The following TMEM117 variants were observed in gnomAD, a reference collection of about 807,000 sequenced individuals.
The protein encoded by TMEM117 is transmembrane protein 117.
A neutral mutation model predicts 52.4 loss-of-function variants in TMEM117; 27 were observed. That is an observed-to-expected ratio of 0.51 (90% CI 0.38 to 0.71). The LOEUF (loss-of-function observed/expected upper bound fraction) is 0.71, where lower values mean the gene tolerates loss of function less well. Among genes scored for constraint, TMEM117 ranks in the 30% least tolerant of loss-of-function variants. The pLI is 0.00. For synonymous variants in TMEM117, 215 were observed against 206.3 expected, an observed-to-expected ratio of 1.04 and a Z score of -0.36; for missense variants, 556 against 630.5, an observed-to-expected ratio of 0.88 and a Z score of 1.26.
At chr12:43,842,741 C>CAT (rs1296418334) in intron 1 of TMEM117, among the ~76,000 whole-genome samples, 2 of 151,162 alleles carry the variant, frequency 1.3e-5, no homozygotes, top group African/African-American at 2.5e-5. Flanking sequence ...CACACACACA[C>CAT]GTGCACGCAC....
intron 5 of TMEM117, among the ~76,000 whole-genome samples, chr12:44,285,309 G>A (rs1296082947): frequency 6.6e-6 from 1 of 152,098 alleles, no homozygotes; most frequent in East Asian, 1.9e-4. Flanking sequence ...TAAATAACAC[G>A]TAAATGTGTA....
In TMEM117 at chr12:43,844,775, G is replaced by A. The variant is rs1943171697; in HGVS notation, c.124G>A (p.Ala42Thr). Residue 42 changes from alanine (A) to threonine (T), a missense_variant, in exon 2 of 8, where the codon GCC becomes ACC. Around this residue, in one of 3 missense-constraint regions of TMEM117, gnomAD observed 328 missense variants for 371.4 expected, o/e 0.88. Coordinates refer to ENST00000266534, the MANE Select transcript of TMEM117 (RefSeq NM_032256.3). ...EDPVSHSQTE[A>T]NVIVVGNCFS... The stretch of plus-strand genomic sequence containing the variant: ...CCCAGTTTCTCATAGCCAAACAGAA[G>A]CCAATGTTATTGTTGTTGGAAACTG... 4 of 1,614,148 alleles carry A rather than the reference G, an allele frequency of 2.5e-6. No individual in the cohort carries two copies. Among genetic ancestry groups the A allele is most frequent in the Non-Finnish European group, 2.5e-6 (3 of 1,180,010 alleles).
In TMEM117 at chr12:44,232,426, G is replaced by A. The variant is rs369587902; in HGVS notation, c.608+21039G>A. Among the ~76,000 whole-genome samples, 4 of 151,292 alleles carry A rather than the reference G, an allele frequency of 2.6e-5. No individual in the cohort carries two copies. The East Asian group carries it at 5.8e-4, about 22-fold the overall frequency. On this transcript the variant is annotated intron_variant, in intron 5 of 7. Transcript: ENST00000266534. ...TTTGCCATATAATGTACATTTATTT[G>A]TGGGTCTATTTTTTAATTGGCCTAG...
intron 5 of TMEM117, among the ~76,000 whole-genome samples, chr12:44,275,591 T>C (rs1463292741): frequency 6.6e-6 from 1 of 152,114 alleles, no homozygotes; most frequent in African/African-American, 2.4e-5. Context: ...GTGGTACATA[T>C]ATATAATGGA....
intron 2 of TMEM117, among the ~76,000 whole-genome samples, chr12:43,937,563 C>T (rs900881073): frequency 6.6e-6 from 1 of 152,028 alleles, no homozygotes; most frequent in Non-Finnish European, 1.5e-5. Context: ...AGGAGCTTCT[C>T]GCCAAATAGG....
chr12:43,881,938 G>A (rs1255964264), intron 2 of TMEM117, among the ~76,000 whole-genome samples: 3 of 151,766 alleles, frequency 2.0e-5, no homozygotes, highest in African/African-American at 4.8e-5. Context: ...TGGGCGTGGT[G>A]GCAAGCGCCT....
At chr12:44,262,790 T>C (rs866690407) in intron 5 of TMEM117, among the ~76,000 whole-genome samples, 4 of 152,288 alleles carry the variant, frequency 2.6e-5, no homozygotes, top group South Asian at 4.1e-4. Context: ...GGTTTCACCA[T>C]GTTAGCCAAG....
At chr12:44,274,919 A>G (rs774728979) in intron 5 of TMEM117, among the ~76,000 whole-genome samples, 4 of 152,134 alleles carry the variant, frequency 2.6e-5, no homozygotes, top group Non-Finnish European at 4.4e-5. Flanking sequence ...GTAATACCCC[A>G]GAAGCAAAGG....
rs181669093 is a variant in TMEM117, at chr12:44,323,126, A to G, written c.768+23387A>G. On this transcript the variant is annotated intron_variant, in intron 6 of 7. Coordinates refer to ENST00000266534, the MANE Select transcript of TMEM117 (RefSeq NM_032256.3). Reference sequence around the variant, plus strand: ...AAGCCAGAGACTGTAGGTGACCTCTACAATCAATAAAAGGCAAAGAAGCAC... The same window carrying G: ...AAGCCAGAGACTGTAGGTGACCTCTGCAATCAATAAAAGGCAAAGAAGCAC... Among the ~76,000 whole-genome samples, 454 of 152,304 alleles carry G rather than the reference A, an allele frequency of 3.0e-3. 1 individual carries two copies. The highest frequency in any genetic ancestry group is 4.5e-3 in the Non-Finnish European group (308 of 68,014).
chr12:44,290,503 CTATG>C (rs1401095019), intron 5 of TMEM117, among the ~76,000 whole-genome samples: 1 of 152,064 alleles, frequency 6.6e-6, no homozygotes, highest in East Asian at 1.9e-4. Flanking sequence ...AGTTGACTGT[CTATG>C]TATGGGTTTA....
intron 6 of TMEM117, among the ~76,000 whole-genome samples, chr12:44,307,115 T>G (rs1950913605): frequency 6.6e-6 from 1 of 152,216 alleles, no homozygotes; most frequent in Admixed American, 6.5e-5. Context: ...AGACTTTATT[T>G]TAAAACCCCA....
intron 7 of TMEM117, among the ~76,000 whole-genome samples, chr12:44,383,830 CTG>C (rs1337118567): frequency 6.6e-6 from 1 of 152,134 alleles, no homozygotes. Context: ...ATGGTAAACA[CTG>C]TTTCTCAGAA....
chr12:44,246,444 T>C (rs1950130525), intron 5 of TMEM117, among the ~76,000 whole-genome samples: 2 of 152,200 alleles, frequency 1.3e-5, no homozygotes, highest in South Asian at 4.1e-4. Flanking sequence ...TTGAAAAATG[T>C]ATTTTTCGCT....
At chr12:43,997,682 A>G (rs1946054050) in intron 3 of TMEM117, among the ~76,000 whole-genome samples, 2 of 152,208 alleles carry the variant, frequency 1.3e-5, no homozygotes, top group African/African-American at 4.8e-5. Flanking sequence ...GAGTGCTTGC[A>G]TGGGCCTCGC....
intron 6 of TMEM117, among the ~76,000 whole-genome samples, chr12:44,303,765 G>A (rs545487249): frequency 2.6e-4 from 39 of 152,082 alleles, no homozygotes; most frequent in South Asian, 1.5e-3. Context: ...CCCACCCACC[G>A]TTCTTCTTTG....
At chr12:44,362,962 C>T (rs1030763302) in intron 6 of TMEM117, among the ~76,000 whole-genome samples, 1 of 152,012 alleles carries the variant, frequency 6.6e-6, no homozygotes, top group South Asian at 2.1e-4. Context: ...AAGTGATTCT[C>T]CATCCTCAGC....
chr12:44,210,191 A>G (rs1471081083), intron 4 of TMEM117, among the ~76,000 whole-genome samples: 1 of 152,136 alleles, frequency 6.6e-6, no homozygotes, highest in Non-Finnish European at 1.5e-5. Context: ...AATTAAAATC[A>G]TAAGTAATGG....
chr12:44,286,684 A>T (rs1487294913), intron 5 of TMEM117, among the ~76,000 whole-genome samples: 1 of 152,218 alleles, frequency 6.6e-6, no homozygotes, highest in Non-Finnish European at 1.5e-5. Flanking sequence ...ATAAAGGAGC[A>T]GTTAAGACTA....
At chr12:44,029,460 G>T (rs1405201854) in intron 3 of TMEM117, among the ~76,000 whole-genome samples, 1 of 152,152 alleles carries the variant, frequency 6.6e-6, no homozygotes, top group African/African-American at 2.4e-5. Context: ...CCTAAATGGG[G>T]AAACTTGAGA....
Sources: allele counts gnomAD v4.1 joint callset (sites outside exome capture counted in the v4.1 genomes callset), GRCh38; gene constraint gnomAD v4.1.1; regional missense constraint gnomAD v4.1.1; transcripts MANE v1.5; gene names NCBI Gene and HGNC (gene_info 2026-07-23, HGNC 2026-07-21).